The following CARD14 variants were observed in gnomAD, a reference collection of about 807,000 sequenced individuals.
The protein encoded by CARD14 is caspase recruitment domain-containing protein 14.
A neutral mutation model predicts 111.5 loss-of-function variants in CARD14; 107 were observed. The observed-to-expected ratio is 0.96, with a 90% CI of 0.82 to 1.13. The LOEUF is 1.13. CARD14 is among the 50% of genes most tolerant of loss of function. The pLI, the probability that CARD14 is intolerant of heterozygous loss-of-function variation, is 0.00. For missense variants in CARD14, 1,322 were observed against 1,362.3 expected, an observed-to-expected ratio of 0.97 and a Z score of 0.47; for synonymous variants, 617 against 579.6, an observed-to-expected ratio of 1.06 and a Z score of -0.93.
In CARD14 at chr17:80,195,408, C is replaced by A. The variant is rs547954709; in HGVS notation, c.1499+75C>A. 3.2e-6 allele frequency: 5 copies of A among 1,549,380 alleles called. No individual in the cohort carries two copies. The highest frequency in any genetic ancestry group is 2.3e-5 in the East Asian group (1 of 43,498). ...CTGGCAACTCACCAGAGACACCAAC[C>A]TAGACCTCAGGGCATCTGGGTATTG... On this transcript the variant is annotated intron_variant, in intron 13 of 23. Transcript: ENST00000648509. This position sits in a 1 kb window ranked among gnomAD's most constrained non-coding sequence, Gnocchi z 4.7.
rs755782627 is a variant in CARD14, at chr17:80,201,832, A to G, written c.1940A>G (p.Asp647Gly). ...GCCGTGGGGCTTCTCAGGAGGGTGG[A>G]CGGCTTCTGCTGCCTGTCTGTGAAG... ...EEAVGLLRRV[D>G]GFCCLSVKVN... Residue 647 changes from aspartate to glycine, a missense_variant, in exon 17 of 24, where the codon GAC (aspartate) becomes GGC (glycine). By Grantham distance (94) the Asp-to-Gly change is moderately conservative. Transcript: ENST00000648509. The surrounding 1 kb of genome is among the most constrained non-coding windows in gnomAD (Gnocchi z 5.0). 2 of 1,613,952 alleles carry G rather than the reference A, an allele frequency of 1.2e-6. No homozygotes were observed. Among genetic ancestry groups the G allele is most frequent in the Admixed American group, 1.7e-5 (1 of 59,986 alleles).
rs2041472745 is a variant in CARD14 at position 80,208,382 on chromosome 17, G to C, written c.*37G>C. On this transcript the variant is annotated 3_prime_UTR_variant, in exon 24 of 24. Transcript: ENST00000648509. ...CCTTCCCGGGACTGTGGGGGCTTCTGTGTGCCTGTTAATGCAGTCCTGTTC... is the reference window on the plus strand; with the variant it reads ...CCTTCCCGGGACTGTGGGGGCTTCTCTGTGCCTGTTAATGCAGTCCTGTTC... 3.9e-6 allele frequency: 6 copies of C among 1,519,900 alleles called. No homozygotes were observed. The highest frequency in any genetic ancestry group is 5.4e-6 in the Non-Finnish European group (6 of 1,121,448). The allele number at this position is 1,519,900 out of a possible 1,614,324, so 94.2% of individuals were successfully genotyped here.
intron 20 of CARD14, chr17:80,204,616 CT>C: frequency 2.8e-6 from 1 of 362,896 alleles, no homozygotes; most frequent in Non-Finnish European, 5.0e-6. Flanking sequence ...AAGAGCAAAA[CT>C]CTGTCTCAGG....
chr17:80,193,842 G>C (rs770244339), intron 12 of CARD14, among the ~76,000 whole-genome samples: 3 of 152,102 alleles, frequency 2.0e-5, no homozygotes. Context: ...ATCGACTCTC[G>C]CATCTGCCTT....
At position 80,189,786 on chromosome 17, in the gene CARD14, G is replaced by C; in HGVS notation, c.877G>C (p.Glu293Gln). 1 of 1,585,980 alleles carries C rather than the reference G, an allele frequency of 6.3e-7. No individual in the cohort carries two copies. The change falls in exon 9 of 24, where the codon GAG becomes CAG. Residue 293 changes from glutamate (E) to glutamine (Q), a missense_variant. Transcript: ENST00000648509. This position sits in a 1 kb window ranked among gnomAD's most constrained non-coding sequence, Gnocchi z 4.7. The part of the protein sequence containing the change: ...EKDILEQSLD[E>Q]ARGSRQELVE... ...GGACATTCTGGAGCAGAGCCTGGAC[G>C]AGGCGCGGGGGAGCCGACAGGAGCT...
rs200373502 is a variant in CARD14 at position 80,208,351 on chromosome 17, C to T, written c.*6C>T. 844 of 1,584,592 alleles carry T rather than the reference C, an allele frequency of 5.3e-4. 2 individuals carry two copies. The East Asian group carries it at 0.014, about 26-fold the overall frequency. ...CGGAGCAGAGCCCCCGATGATGCAC[C>T]GTGCCCCTTCCCGGGACTGTGGGGG... On this transcript the variant is annotated 3_prime_UTR_variant, in exon 24 of 24. Transcript: ENST00000648509.
chr17:80,172,872 CTTTTTTTTTTTT>C lies in CARD14; in HGVS notation c.-689-19_-689-8del, dbSNP rs55912754. ...CCCATACTTGCTTATTCTAAACATT[CTTTTTTTTTTTT>C]TTTTTTTTTTTTTTGAGGTAGAGTT... On this transcript the variant is annotated intron_variant, in intron 1 of 23. Coordinates refer to ENST00000648509, the MANE Select transcript of CARD14 (RefSeq NM_001366385.1). 5 of 70,792 alleles carry C rather than the reference CTTTTTTTTTTTT, an allele frequency of 7.1e-5. 1 individual carries two copies. Among genetic ancestry groups the C allele is most frequent in the African/African-American group, 1.7e-4 (3 of 17,186 alleles). The allele number at this position is 70,792 out of a possible 1,614,324, so 4.4% of individuals were successfully genotyped here.
Position 80,208,412 on chromosome 17 carries a change from GC to G in CARD14, c.*70del, listed in dbSNP as rs1425561140. On this transcript the variant is annotated 3_prime_UTR_variant, in exon 24 of 24. Transcript: ENST00000648509. ...CCTGTTAATGCAGTCCTGTTCCTCA[GC>G]CCAGGCCCTCTTGGCACAGCTGTGG... The G allele has an allele frequency of 3.1e-5, 43 of 1,393,646 alleles. No homozygotes were observed. The highest frequency in any genetic ancestry group is 4.0e-5 in the Non-Finnish European group (41 of 1,033,188). 86.3% of individuals were successfully genotyped at this position (1,393,646 alleles called of 1,614,324 possible).
chr17:80,184,584 G>A (rs2096321161), intron 7 of CARD14, among the ~76,000 whole-genome samples: 1 of 152,270 alleles, frequency 6.6e-6, no homozygotes, highest in African/African-American at 2.4e-5. Flanking sequence ...CCACTGCCCA[G>A]CTGCGGCAGT....
Position 80,205,125 on chromosome 17 carries a change from T to C in CARD14, c.2489T>C (p.Val830Ala), listed in dbSNP as rs772155622. The C allele has an allele frequency of 4.3e-6, 7 of 1,613,614 alleles. No homozygotes were observed. Among genetic ancestry groups the C allele is most frequent in the Non-Finnish European group, 5.9e-6 (7 of 1,179,932 alleles). ...CATCGACCCGCCCGGCCCCGGCCTG[T>C]GCTCCTCGTGCCCAGGGCGGTTGGG... Reference protein sequence around the residue: ...RPHRPARPRPVLLVPRAVGKI... With the variant: ...RPHRPARPRPALLVPRAVGKI... The change falls in exon 21 of 24, where the codon GTG becomes GCG. Residue 830 changes from valine to alanine, a missense_variant. By Grantham distance (64) the Val-to-Ala change is moderately conservative (BLOSUM62 0). Coordinates refer to ENST00000648509, the MANE Select transcript of CARD14 (RefSeq NM_001366385.1).
chr17:80,191,658 G>A (rs1372281860), intron 11 of CARD14, among the ~76,000 whole-genome samples, 186 bp downstream of exon 11: 2 of 152,238 alleles, frequency 1.3e-5, no homozygotes, highest in Non-Finnish European at 2.9e-5. Context: ...TGGCTCCCAC[G>A]CGTGGATGGT....
intron 20 of CARD14, chr17:80,204,727 C>T (rs1275612313): frequency 2.4e-6 from 1 of 416,888 alleles, no homozygotes; most frequent in African/African-American, 2.0e-5. Flanking sequence ...TCTCCCAGAT[C>T]CTTTGGAAGG....
chr17:80,209,142 C>T lies in CARD14; in HGVS notation c.*797C>T, dbSNP rs555097806. On this transcript the variant is annotated 3_prime_UTR_variant, in exon 24 of 24. Coordinates refer to ENST00000648509, the MANE Select transcript of CARD14 (RefSeq NM_001366385.1). Reference sequence around the variant, plus strand: ...ACATCTTTACTCCACCTTCAGGGCTCGGGGAGGACCCAGGTCCGCCAGCAC... The same window carrying T: ...ACATCTTTACTCCACCTTCAGGGCTTGGGGAGGACCCAGGTCCGCCAGCAC... 8.7e-4 allele frequency: 187 copies of T among 214,886 alleles called. No individual in the cohort carries two copies. Among genetic ancestry groups the T allele is most frequent in the African/African-American group, 4.2e-3 (181 of 42,750 alleles). The allele number at this position is 214,886 out of a possible 1,614,324, so 13.3% of individuals were successfully genotyped here. A position where few individuals can be genotyped will look rare whatever the true frequency, so the allele number is the denominator to read the frequency against.
At chr17:80,170,565 G>GTGTGTA (rs2039872224) in intron 1 of CARD14, 1 of 152,160 alleles carries the variant, frequency 6.6e-6, no homozygotes, top group East Asian at 1.9e-4. Flanking sequence ...GCGTGTGCGT[G>GTGTGTA]TGTGTATGTG....
rs2040790729 is a variant in CARD14 at position 80,198,261 on chromosome 17, A to C, written c.1658+99A>C. On this transcript the variant is annotated intron_variant, in intron 15 of 23. Coordinates refer to ENST00000648509, the MANE Select transcript of CARD14 (RefSeq NM_001366385.1). The surrounding 1 kb of genome is among the most constrained non-coding windows in gnomAD (Gnocchi z 7.5). ...TGTCCTATTACCAATGGGAGGCAACAGCCTTTCCAAGCACATGGGGCCATG... is the reference window on the plus strand; with the variant it reads ...TGTCCTATTACCAATGGGAGGCAACCGCCTTTCCAAGCACATGGGGCCATG... 1.5e-5 allele frequency: 23 copies of C among 1,563,600 alleles called. No individual in the cohort carries two copies. The highest frequency in any genetic ancestry group is 1.8e-5 in the Non-Finnish European group (21 of 1,138,820).
chr17:80,200,095 C>A (rs1056338435), intron 16 of CARD14, among the ~76,000 whole-genome samples: 1 of 151,904 alleles, frequency 6.6e-6, no homozygotes, highest in African/African-American at 2.4e-5. Flanking sequence ...GTTCCATGCA[C>A]CCCTCACTGC....
rs769783308 is a variant in CARD14, at chr17:80,188,478, C to T, written c.777C>T (p.Ser259=). Residue 259 remains serine, a synonymous_variant, in exon 8 of 24, where the codon TCC becomes TCT. Coordinates refer to ENST00000648509, the MANE Select transcript of CARD14 (RefSeq NM_001366385.1). The surrounding 1 kb of genome is among the most constrained non-coding windows in gnomAD (Gnocchi z 4.5). ...TGAGGACAGCCAGCGACCAGGAGTC[C>T]GGGGATGAGGAGCTGAACCGCCTGA... ...QSLRTASDQE[S]GDEELNRLKE... 47 of 1,591,766 alleles carry T rather than the reference C, an allele frequency of 3.0e-5. No individual in the cohort carries two copies. Among genetic ancestry groups the T allele is most frequent in the Non-Finnish European group, 3.7e-5 (43 of 1,170,256 alleles).
Position 80,198,828 on chromosome 17 carries a change from G to C in CARD14, c.1851+237G>C. On this transcript the variant is annotated intron_variant, in intron 16 of 23. Coordinates refer to ENST00000648509, the MANE Select transcript of CARD14 (RefSeq NM_001366385.1). The surrounding 1 kb of genome is among the most constrained non-coding windows in gnomAD (Gnocchi z 7.5). ...CTGCCATGCGGCGCTTCTGACCAGGGGTCTTTGCATGAGGCCCCTTGACAG... is the reference window on the plus strand; with the variant it reads ...CTGCCATGCGGCGCTTCTGACCAGGCGTCTTTGCATGAGGCCCCTTGACAG... 1 of 1,470,004 alleles carries C rather than the reference G, an allele frequency of 6.8e-7. No individual in the cohort carries two copies. Among genetic ancestry groups the C allele is most frequent in the African/African-American group, 1.4e-5 (1 of 71,102 alleles). 91.1% of individuals were successfully genotyped at this position (1,470,004 alleles called of 1,614,324 possible). A position where few individuals can be genotyped will look rare whatever the true frequency, so the allele number is the denominator to read the frequency against.
chr17:80,206,749 A>G (rs1261232147), intron 22 of CARD14: 2 of 287,962 alleles, frequency 6.9e-6, no homozygotes, highest in Non-Finnish European at 1.3e-5. Context: ...CCTGGGCGAC[A>G]GAGCGAGACT....
Sources: allele counts gnomAD v4.1 joint callset (sites outside exome capture counted in the v4.1 genomes callset), GRCh38; gene constraint gnomAD v4.1.1; non-coding constraint Gnocchi (gnomAD v3.1); transcripts MANE v1.5; gene names NCBI Gene and HGNC (gene_info 2026-07-23, HGNC 2026-07-21).